TOGARAM2: variants seen among roughly 807,000 people sequenced by gnomAD.
TOGARAM2 encodes TOG array regulator of axonemal microtubules 2.
TOGARAM2 carries 85 observed loss-of-function variants against 93.3 expected under a neutral mutation model. The observed-to-expected ratio is 0.91, with a 90% CI of 0.76 to 1.09. The LOEUF (loss-of-function observed/expected upper bound fraction) is 1.09, where lower values mean the gene tolerates loss of function less well. TOGARAM2 is among the 50% of genes least tolerant of loss of function. The pLI is 0.00. For synonymous variants in TOGARAM2, 593 were observed against 552.8 expected (o/e 1.07, Z -1.02); for missense variants, 1,277 against 1,334.5 (o/e 0.96, Z 0.67).
At chr2:28,976,238 G>T (rs1314339474) in intron 1 of TOGARAM2, among the ~76,000 whole-genome samples, 2 of 152,178 alleles carry the variant, frequency 1.3e-5, no homozygotes, top group Non-Finnish European at 2.9e-5. Context: ...GGACGTGGTG[G>T]CGGGTGCCTG....
At chr2:29,010,749 A>G (rs1664195997) in intron 6 of TOGARAM2, among the ~76,000 whole-genome samples, 1 of 151,984 alleles carries the variant, frequency 6.6e-6, no homozygotes. Context: ...GTCATGTCTT[A>G]TTGATGCTCC....
At chr2:28,992,318 A>G (rs1409432486) in intron 1 of TOGARAM2, among the ~76,000 whole-genome samples, 1 of 152,056 alleles carries the variant, frequency 6.6e-6, no homozygotes, top group Non-Finnish European at 1.5e-5. Flanking sequence ...TTGGGCGGGC[A>G]CCTAGGAGAT....
chr2:29,035,194 G>A (rs1258327892), intron 16 of TOGARAM2, among the ~76,000 whole-genome samples: 1 of 151,614 alleles, frequency 6.6e-6, no homozygotes, highest in African/African-American at 2.4e-5. Flanking sequence ...ATTCTTTTGT[G>A]GATAGCCACT....
chr2:28,970,484 G>C (rs983378585), intron 1 of TOGARAM2, among the ~76,000 whole-genome samples: 3 of 152,202 alleles, frequency 2.0e-5, no homozygotes, highest in Admixed American at 2.0e-4. Flanking sequence ...TGTTAAATGA[G>C]CCATTAGGAT....
intron 1 of TOGARAM2, among the ~76,000 whole-genome samples, chr2:28,983,898 G>C (rs949012849): frequency 3.3e-5 from 5 of 151,986 alleles, no homozygotes; most frequent in African/African-American, 1.2e-4. Context: ...TTGATTACCA[G>C]GGGGTTGAGC....
chr2:29,041,333 T>C (rs996997580), intron 18 of TOGARAM2, among the ~76,000 whole-genome samples: 1 of 152,216 alleles, frequency 6.6e-6, no homozygotes, highest in Non-Finnish European at 1.5e-5. Context: ...CTTGAGTCAC[T>C]TTTAACAGCT....
At chr2:29,022,006 C>A (rs1236433113) in intron 10 of TOGARAM2, among the ~76,000 whole-genome samples, 152 bp from the exon 11 acceptor site, 1 of 152,166 alleles carries the variant, frequency 6.6e-6, no homozygotes, top group South Asian at 2.1e-4. Flanking sequence ...GGGTTCTTAG[C>A]CTCACCAGGC....
chr2:29,015,612 C>T (rs1664518744), intron 8 of TOGARAM2, among the ~76,000 whole-genome samples: 1 of 152,226 alleles, frequency 6.6e-6, no homozygotes, highest in Non-Finnish European at 1.5e-5. Flanking sequence ...CATTAGTCCA[C>T]ACTCCCCACT....
intron 14 of TOGARAM2, among the ~76,000 whole-genome samples, chr2:29,032,379 T>C (rs1046902546): frequency 6.6e-6 from 1 of 152,224 alleles, no homozygotes; most frequent in Non-Finnish European, 1.5e-5. Flanking sequence ...TACTTATCTG[T>C]TGAGCCCCAA....
Position 29,002,573 on chromosome 2 carries a change from C to T in TOGARAM2, c.465C>T (p.Pro155=), listed in dbSNP as rs774068274. The change falls in exon 5 of 20, where the codon CCC becomes CCT. Residue 155 remains proline (P), a synonymous_variant. Transcript: ENST00000379558. ...LDPGGGPQGV[P]LHSTIPRATS... ...CAGGGGGAGGCCCCCAAGGAGTTCCCCTGCACAGCACCATCCCCCGAGCCA... is the reference window on the plus strand; with the variant it reads ...CAGGGGGAGGCCCCCAAGGAGTTCCTCTGCACAGCACCATCCCCCGAGCCA... The T allele has an allele frequency of 1.8e-5, 29 of 1,613,982 alleles. No homozygotes were observed. The highest frequency in any genetic ancestry group is 2.5e-5 in the Non-Finnish European group (29 of 1,179,880).
intron 10 of TOGARAM2, chr2:29,018,608 G>A (rs1664742386): frequency 6.6e-6 from 1 of 152,126 alleles, no homozygotes; most frequent in Admixed American, 6.5e-5. Flanking sequence ...AAATGATCAT[G>A]GACTAGAGCA....
intron 14 of TOGARAM2, among the ~76,000 whole-genome samples, chr2:29,029,299 T>TACA (rs1558453544): frequency 8.2e-6 from 1 of 121,898 alleles, no homozygotes; most frequent in Non-Finnish European, 1.8e-5. Flanking sequence ...ACACACACAC[T>TACA]GGAATACTTA....
At chr2:28,999,517 G>A (rs762355403) in intron 4 of TOGARAM2, 49 bp downstream of exon 4, 31 of 1,523,454 alleles carry the variant, frequency 2.0e-5, no homozygotes, top group Non-Finnish European at 2.6e-5. Flanking sequence ...TCCAGGTCAA[G>A]GGCCGCAGGC....
chr2:28,967,421 G>C (rs1168640470), intron 1 of TOGARAM2, among the ~76,000 whole-genome samples: 1 of 152,144 alleles, frequency 6.6e-6, no homozygotes, highest in African/African-American at 2.4e-5. Flanking sequence ...GCTGTAGTGA[G>C]CTGTGATCGC....
intron 12 of TOGARAM2, among the ~76,000 whole-genome samples, chr2:29,023,777 T>C (rs543464891): frequency 1.2e-4 from 18 of 152,196 alleles, no homozygotes; most frequent in African/African-American, 4.3e-4. Context: ...CCAGAAAAAA[T>C]ACAGTTACAT....
chr2:28,999,280 C>A lies in TOGARAM2; in HGVS notation c.239C>A (p.Pro80His), dbSNP rs549645383. The A allele has an allele frequency of 1.2e-6, 2 of 1,613,278 alleles. No individual in the cohort carries two copies. Among genetic ancestry groups the A allele is most frequent in the Non-Finnish European group, 1.7e-6 (2 of 1,179,426 alleles). ...GQLGGLKLDT[P>H]SKGWQARNGH... is the part of the protein sequence containing the mutation. ...CTGGGTGGCCTCAAGCTGGACACCC[C>A]TTCCAAGGGCTGGCAGGCAAGGAAT... The change falls in exon 4 of 20, where the codon CCT becomes CAT. Residue 80 changes from proline (P) to histidine (H), a missense_variant. Coordinates refer to ENST00000379558, the MANE Select transcript of TOGARAM2 (RefSeq NM_199280.4).
intron 1 of TOGARAM2, among the ~76,000 whole-genome samples, chr2:28,960,385 A>C (rs1285369987): frequency 2.0e-5 from 3 of 152,094 alleles, no homozygotes; most frequent in Non-Finnish European, 4.4e-5. Context: ...TTTAATTTTT[A>C]ATTTTTTTTG....
chr2:29,046,491 C>T (rs1277329107), intron 19 of TOGARAM2: 1 of 152,318 alleles, frequency 6.6e-6, no homozygotes, highest in Non-Finnish European at 1.5e-5. Context: ...GATCATGCAC[C>T]AGCCCTGCTT....
At chr2:29,007,864 C>T (rs1192350983) in intron 6 of TOGARAM2, among the ~76,000 whole-genome samples, 1 of 152,044 alleles carries the variant, frequency 6.6e-6, no homozygotes, top group African/African-American at 2.4e-5. Context: ...ACTCATCCAT[C>T]CATCCATTTA....
Sources: gnomAD v4.1 joint callset for allele counts (sites outside exome capture counted in the v4.1 genomes callset) on GRCh38, gnomAD v4.1.1 for gene constraint, MANE v1.5 for transcripts, NCBI Gene and HGNC (gene_info 2026-07-23, HGNC 2026-07-21) for gene names.